The following NINL variants were observed in gnomAD, a reference collection of about 807,000 sequenced individuals.
NINL encodes ninein like, also known as ninein-like protein.
Under a neutral mutation model 160.3 loss-of-function variants are expected in NINL, and 153 were observed. That is an observed-to-expected ratio of 0.95 (90% CI 0.84 to 1.09). The LOEUF is 1.09. Ranked by LOEUF, NINL falls within the 50% of genes least tolerant of loss-of-function variation. NINL has a pLI of 0.00. For synonymous variants in NINL, 800 were observed against 734.8 expected (o/e 1.09, Z -1.43); for missense variants, 1,829 against 1,764.0 (o/e 1.04, Z -0.66).
Position 25,547,498 on chromosome 20 carries a change from G to C in NINL, c.-11-20900C>G, listed in dbSNP as rs117297018. Reference sequence around the variant, plus strand: ...GACTCATGACTGCCTTCTGAACTGGGGGAAGCCAAATGGAACTGAGCCCTT... The same window carrying C: ...GACTCATGACTGCCTTCTGAACTGGCGGAAGCCAAATGGAACTGAGCCCTT... On this transcript the variant is annotated intron_variant, in intron 1 of 23. Coordinates refer to ENST00000278886, the MANE Select transcript of NINL (RefSeq NM_025176.6). Among the ~76,000 whole-genome samples, 450 of 152,300 alleles carry C rather than the reference G, an allele frequency of 3.0e-3. 2 individuals are homozygous for C. The highest frequency in any genetic ancestry group is 6.8e-3 in the Middle Eastern group (2 of 294).
intron 3 of NINL, 54 bp from the exon 4 acceptor site, chr20:25,513,060 A>C (rs2064102998): frequency 3.2e-6 from 5 of 1,543,964 alleles, no homozygotes; most frequent in Non-Finnish European, 4.4e-6. Flanking sequence ...TTCTGGGCCC[A>C]TGCAGGCCAG....
rs192020538 is a variant in NINL, at chr20:25,480,829, G to A, written c.1811-562C>T. ...CGGGCAGGGAGGTGTGACAGCCAGCGGCATCCAGGTGGGACGTCAATGGGG... is the reference window on the plus strand; with the variant it reads ...CGGGCAGGGAGGTGTGACAGCCAGCAGCATCCAGGTGGGACGTCAATGGGG... On this transcript the variant is annotated intron_variant, in intron 14 of 23. Transcript: ENST00000278886. Among the ~76,000 whole-genome samples the A allele has an allele frequency of 1.6e-4, 25 of 152,294 alleles. 1 individual carries two copies. The highest frequency in any genetic ancestry group is 1.6e-4 in the Non-Finnish European group (11 of 68,020).
chr20:25,581,350 G>A (rs1158502576), intron 1 of NINL, among the ~76,000 whole-genome samples: 1 of 152,016 alleles, frequency 6.6e-6, no homozygotes, highest in African/African-American at 2.4e-5. Flanking sequence ...GCTGAGACAA[G>A]AGAATCGCTT....
intron 1 of NINL, among the ~76,000 whole-genome samples, chr20:25,555,257 C>T (rs1409252641): frequency 2.0e-5 from 3 of 152,156 alleles, no homozygotes; most frequent in African/African-American, 7.2e-5. Context: ...CTCTCAGGCA[C>T]CTCTTCCGTA....
intron 2 of NINL, among the ~76,000 whole-genome samples, chr20:25,526,014 G>A (rs564450085): frequency 1.3e-5 from 2 of 152,336 alleles, no homozygotes; most frequent in Admixed American, 1.3e-4. Flanking sequence ...GTGAAATTGT[G>A]TAAGACAATC....
chr20:25,496,677 C>T lies in NINL; in HGVS notation c.1296G>A (p.Thr432=), dbSNP rs762605099. The T allele has an allele frequency of 3.1e-5, 50 of 1,613,942 alleles. No homozygotes were observed. Among genetic ancestry groups the T allele is most frequent in the Middle Eastern group, 1.6e-4 (1 of 6,084 alleles). The change falls in exon 10 of 24, where the codon ACG becomes ACA. Residue 432 remains threonine, a synonymous_variant. Coordinates refer to ENST00000278886, the MANE Select transcript of NINL (RefSeq NM_025176.6). ...DDCHSTLEQL[T]EKKIKHLEQG... ...CCAGAACCCACTTGATTTTCTTCTC[C>T]GTGAGCTGCTCCAGGGTGGAGTGGC... is the stretch of plus-strand genomic sequence containing the variant.
intron 11 of NINL, among the ~76,000 whole-genome samples, chr20:25,490,948 A>G (rs1047553855): frequency 1.3e-5 from 2 of 151,344 alleles, no homozygotes; most frequent in African/African-American, 2.4e-5. Flanking sequence ...ACCAAAGCCC[A>G]TCAAACCCCA....
chr20:25,521,690 A>G (rs1310636429), intron 2 of NINL, among the ~76,000 whole-genome samples: 1 of 152,198 alleles, frequency 6.6e-6, no homozygotes, highest in Non-Finnish European at 1.5e-5. Context: ...ACTGCAATTC[A>G]TCTTTACCCT....
At chr20:25,521,992 A>G (rs1392274748) in intron 2 of NINL, among the ~76,000 whole-genome samples, 1 of 152,098 alleles carries the variant, frequency 6.6e-6, no homozygotes, top group Non-Finnish European at 1.5e-5. Context: ...CTGCAGCTTC[A>G]ATCTCCCAAG....
chr20:25,563,123 G>C (rs762280828), intron 1 of NINL, among the ~76,000 whole-genome samples: 1 of 152,156 alleles, frequency 6.6e-6, no homozygotes, highest in Non-Finnish European at 1.5e-5. Flanking sequence ...CCAAGATGGC[G>C]CCACTGCACT....
intron 10 of NINL, among the ~76,000 whole-genome samples, chr20:25,493,875 T>C (rs1434325388): frequency 2.0e-5 from 3 of 152,238 alleles, no homozygotes; most frequent in African/African-American, 4.8e-5. Flanking sequence ...AGCCACTGCC[T>C]GCACCTGTCC....
intron 8 of NINL, among the ~76,000 whole-genome samples, chr20:25,500,333 C>A (rs1048179435): frequency 6.6e-6 from 1 of 152,176 alleles, no homozygotes; most frequent in African/African-American, 2.4e-5. Context: ...CCCAGCAGAA[C>A]ACGGAGGGAA....
intron 21 of NINL, chr20:25,458,923 C>T (rs1348263735): frequency 5.5e-6 from 1 of 182,304 alleles, no homozygotes; most frequent in East Asian, 1.6e-4. Context: ...ACACTGGCCA[C>T]AGACTACCCA....
At chr20:25,553,389 T>C (rs1293739630) in intron 1 of NINL, among the ~76,000 whole-genome samples, 1 of 152,186 alleles carries the variant, frequency 6.6e-6, no homozygotes, top group East Asian at 1.9e-4. Context: ...CCGCCAGTAC[T>C]GAGGATGCAC....
intron 2 of NINL, among the ~76,000 whole-genome samples, chr20:25,525,062 G>C (rs2064333313): frequency 6.6e-6 from 1 of 152,122 alleles, no homozygotes; most frequent in East Asian, 1.9e-4. Flanking sequence ...GATATCAAGA[G>C]AGGCTAGATC....
chr20:25,497,689 C>T (rs937858111), intron 9 of NINL, among the ~76,000 whole-genome samples: 5 of 152,220 alleles, frequency 3.3e-5, no homozygotes, highest in Admixed American at 1.3e-4. Flanking sequence ...TTTGTGACCA[C>T]GTTTGAAAAG....
chr20:25,557,435 G>A (rs193124623), intron 1 of NINL, among the ~76,000 whole-genome samples: 156 of 152,164 alleles, frequency 1.0e-3, no homozygotes, highest in Non-Finnish European at 1.8e-3. Flanking sequence ...GGAAGCCAAG[G>A]GAGGTGAATT....
In NINL at chr20:25,510,752, T is replaced by A. The variant is rs1187009321; in HGVS notation, c.451-12A>T. On this transcript the variant is annotated splice_polypyrimidine_tract_variant and intron_variant, in intron 4 of 23. Transcript: ENST00000278886. ...TCTGACTTGGGACTCTGTAGAAAGA[T>A]GCAGAGAGAAGGCTGTGAGTTCCAG... 1 of 1,609,116 alleles carries A rather than the reference T, an allele frequency of 6.2e-7. No homozygotes were observed.
At chr20:25,506,372 G>A (rs917279005) in intron 5 of NINL, among the ~76,000 whole-genome samples, 3 of 152,202 alleles carry the variant, frequency 2.0e-5, no homozygotes, top group Admixed American at 6.5e-5. Flanking sequence ...AAAGAGTAAA[G>A]TGAAGCCCAC....
Sources: allele counts gnomAD v4.1 joint callset (sites outside exome capture counted in the v4.1 genomes callset), GRCh38; gene constraint gnomAD v4.1.1; transcripts MANE v1.5; gene names NCBI Gene and HGNC (gene_info 2026-07-23, HGNC 2026-07-21).